RAPGEF5: variants seen among roughly 807,000 people sequenced by gnomAD.
RAPGEF5 encodes the protein M-Ras-regulated GEF.
Under a neutral mutation model 125.2 loss-of-function variants are expected in RAPGEF5, and 65 were observed. The observed-to-expected ratio is 0.52, with a 90% CI of 0.43 to 0.64. The LOEUF is 0.64. Among genes scored for constraint, RAPGEF5 ranks in the 30% least tolerant of loss-of-function variants. The pLI, the probability that RAPGEF5 is intolerant of heterozygous loss-of-function variation, is 0.00. For synonymous variants in RAPGEF5, 391 were observed against 385.9 expected, an observed-to-expected ratio of 1.01 and a Z score of -0.16; for missense variants, 958 against 1,048.1, an observed-to-expected ratio of 0.91 and a Z score of 1.19.
intron 1 of RAPGEF5, among the ~76,000 whole-genome samples, chr7:22,353,511 T>C (rs2128390076): frequency 6.6e-6 from 1 of 152,270 alleles, no homozygotes; most frequent in East Asian, 1.9e-4. Context: ...CACTAGCCCC[T>C]ACAAAAGTGT....
intron 4 of RAPGEF5, among the ~76,000 whole-genome samples, chr7:22,309,053 C>T (rs146780727): frequency 1.9e-3 from 287 of 152,232 alleles, no homozygotes; most frequent in African/African-American, 6.1e-3. Flanking sequence ...CCCGTCACAA[C>T]AAAGAACTAT....
intron 7 of RAPGEF5, among the ~76,000 whole-genome samples, chr7:22,247,729 C>A (rs1786514538): frequency 6.7e-6 from 1 of 149,006 alleles, no homozygotes; most frequent in Non-Finnish European, 1.5e-5. Context: ...AACCTAGAGA[C>A]CCATTAATGG....
intron 12 of RAPGEF5, 112 bp from the exon 13 acceptor site, chr7:22,162,653 G>A: frequency 1.9e-6 from 2 of 1,078,056 alleles, no homozygotes; most frequent in East Asian, 2.6e-5. Flanking sequence ...TAAACATGCA[G>A]GAAGAATAGA....
chr7:22,228,675 T>C (rs1337754789), intron 8 of RAPGEF5, among the ~76,000 whole-genome samples: 2 of 13,674 alleles, frequency 1.5e-4, no homozygotes, highest in East Asian at 0.013. Flanking sequence ...GCCCAGCTAA[T>C]TTTTTTTTTT....
chr7:22,182,344 C>T (rs966362626), intron 11 of RAPGEF5, among the ~76,000 whole-genome samples: 1 of 152,170 alleles, frequency 6.6e-6, no homozygotes, highest in African/African-American at 2.4e-5. Context: ...CAAGTAATTT[C>T]AGCTGCCGAT....
At chr7:22,153,984 G>A (rs919716588) in intron 17 of RAPGEF5, among the ~76,000 whole-genome samples, 5 of 152,064 alleles carry the variant, frequency 3.3e-5, no homozygotes, top group Admixed American at 2.0e-4. Flanking sequence ...CACTCCCCAC[G>A]TCCACCTAAA....
chr7:22,193,890 T>A (rs1338705153), intron 10 of RAPGEF5, 25 bp downstream of exon 10: 3 of 1,612,704 alleles, frequency 1.9e-6, no homozygotes, highest in Non-Finnish European at 2.5e-6. Flanking sequence ...AGCGCGTGCC[T>A]CTGTGGCTGC....
chr7:22,338,942 C>T (rs1024799852), intron 1 of RAPGEF5, among the ~76,000 whole-genome samples: 6 of 152,126 alleles, frequency 3.9e-5, no homozygotes, highest in African/African-American at 1.4e-4. Context: ...GAGCCAGCAC[C>T]AGGGAAAGGC....
intron 6 of RAPGEF5, among the ~76,000 whole-genome samples, chr7:22,285,675 G>A (rs1233216532): frequency 1.3e-5 from 2 of 152,208 alleles, no homozygotes; most frequent in East Asian, 1.9e-4. Context: ...TGTAGATAGA[G>A]TACTGTGAAA....
chr7:22,340,673 C>A (rs1399525172), intron 1 of RAPGEF5, among the ~76,000 whole-genome samples: 1 of 152,214 alleles, frequency 6.6e-6, no homozygotes, highest in Admixed American at 6.5e-5. Context: ...TGTTCCCTGA[C>A]CAGGGCTTGG....
chr7:22,236,743 G>A (rs1454359075), intron 7 of RAPGEF5, among the ~76,000 whole-genome samples: 1 of 152,190 alleles, frequency 6.6e-6, no homozygotes, highest in African/African-American at 2.4e-5. Context: ...CAGAATGGAA[G>A]TCTGATCAAG....
At chr7:22,193,300 C>T (rs1171900428) in intron 11 of RAPGEF5, 67 bp downstream of exon 11, 3 of 1,506,842 alleles carry the variant, frequency 2.0e-6, no homozygotes, top group Non-Finnish European at 1.8e-6. Flanking sequence ...GGAACCTTGC[C>T]CCTGAGGGTA....
intron 20 of RAPGEF5, among the ~76,000 whole-genome samples, chr7:22,140,524 C>T (rs1783223646): frequency 6.6e-6 from 1 of 152,166 alleles, no homozygotes; most frequent in African/African-American, 2.4e-5. Context: ...GCCCTTCTCA[C>T]CCCACAGGTC....
intron 1 of RAPGEF5, among the ~76,000 whole-genome samples, chr7:22,345,377 A>G (rs1784202895): frequency 6.6e-6 from 1 of 152,188 alleles, no homozygotes; most frequent in Non-Finnish European, 1.5e-5. Context: ...AATTTCAGGC[A>G]CTGATGATGA....
intron 1 of RAPGEF5, among the ~76,000 whole-genome samples, chr7:22,329,173 T>G (rs907033580): frequency 1.3e-5 from 2 of 152,252 alleles, no homozygotes; most frequent in Non-Finnish European, 2.9e-5. Flanking sequence ...AACTGCACTC[T>G]TTCTGCTTTC....
At chr7:22,147,088 G>A (rs1583410602) in intron 18 of RAPGEF5, 69 bp from the exon 19 acceptor site, 1 of 1,557,196 alleles carries the variant, frequency 6.4e-7, no homozygotes. Flanking sequence ...GCTGGCTGTA[G>A]AAAGGCACTA....
intron 2 of RAPGEF5, 99 bp downstream of exon 2, chr7:22,317,888 T>C (rs892142331): frequency 6.1e-6 from 9 of 1,479,874 alleles, no homozygotes; most frequent in Non-Finnish European, 8.2e-6. Context: ...AAACTCTATG[T>C]GGTCAGGAGC....
chr7:22,333,966 G>A (rs1725431692), intron 1 of RAPGEF5, among the ~76,000 whole-genome samples: 1 of 149,818 alleles, frequency 6.7e-6, no homozygotes, highest in African/African-American at 2.5e-5. Context: ...GAAGGCAAAG[G>A]AGAGTCGGCT....
At chr7:22,181,691 T>G (rs945000176) in intron 11 of RAPGEF5, among the ~76,000 whole-genome samples, 3 of 152,188 alleles carry the variant, frequency 2.0e-5, no homozygotes, top group African/African-American at 7.2e-5. Flanking sequence ...ATTTCATATT[T>G]ATTTTTGAGA....
Sources: allele counts gnomAD v4.1 joint callset (sites outside exome capture counted in the v4.1 genomes callset), GRCh38; gene constraint gnomAD v4.1.1; transcripts MANE v1.5; gene names NCBI Gene and HGNC (gene_info 2026-07-23, HGNC 2026-07-21).